Variants in ANKFN1 observed in about 807,000 individuals in gnomAD.
ANKFN1 encodes the protein ankyrin repeat and fibronectin type-III domain-containing protein 1.
In ANKFN1, 74 loss-of-function variants were observed where a neutral mutation model predicts 108.7. The observed-to-expected ratio is 0.68, with a 90% confidence interval of 0.56 to 0.83. The LOEUF (loss-of-function observed/expected upper bound fraction) is 0.83. Ranked by LOEUF, ANKFN1 falls within the 40% of genes least tolerant of loss-of-function variation. The pLI, the probability that ANKFN1 is intolerant of heterozygous loss-of-function variation, is 0.00. For synonymous variants in ANKFN1, 547 were observed against 516.2 expected (o/e 1.06, Z -0.81); for missense variants, 1,505 against 1,382.3 (o/e 1.09, Z -1.41).
chr17:56,376,058 C>G (rs1030195995), intron 8 of ANKFN1, among the ~76,000 whole-genome samples: 2 of 152,222 alleles, frequency 1.3e-5, no homozygotes, highest in Non-Finnish European at 2.9e-5. Context: ...GCTGATAAAG[C>G]TCTCCACACA....
At chr17:56,189,396 T>G (rs1436667917) in intron 1 of ANKFN1, among the ~76,000 whole-genome samples, 1 of 150,948 alleles carries the variant, frequency 6.6e-6, no homozygotes, top group Non-Finnish European at 1.5e-5. Flanking sequence ...GGTCTCGATC[T>G]CCTGACCTCG....
intron 4 of ANKFN1, among the ~76,000 whole-genome samples, chr17:56,134,964 T>A (rs1907511464): frequency 6.6e-6 from 1 of 152,164 alleles, no homozygotes; most frequent in Non-Finnish European, 1.5e-5. Context: ...AGGGGCACTC[T>A]TTTTCCTGAA....
chr17:56,493,331 A>G (rs1298474111), intron 19 of ANKFN1, among the ~76,000 whole-genome samples: 1 of 152,200 alleles, frequency 6.6e-6, no homozygotes, highest in East Asian at 1.9e-4. Context: ...TGTATCAGAA[A>G]CATTCCCATG....
chr17:56,046,873 G>A (rs1006503967), intron 4 of ANKFN1, among the ~76,000 whole-genome samples: 2 of 152,188 alleles, frequency 1.3e-5, no homozygotes, highest in South Asian at 2.1e-4. Context: ...GTCTGGGCAC[G>A]GAAAAGCATG....
intron 3 of ANKFN1, among the ~76,000 whole-genome samples, chr17:56,325,908 C>G (rs574744922): frequency 9.8e-5 from 15 of 152,314 alleles, no homozygotes; most frequent in South Asian, 4.1e-4. Flanking sequence ...ACAGTCGGTT[C>G]GGATTCAGTC....
At chr17:56,100,338 T>A (rs1905620510) in intron 4 of ANKFN1, among the ~76,000 whole-genome samples, 1 of 152,196 alleles carries the variant, frequency 6.6e-6, no homozygotes, top group Non-Finnish European at 1.5e-5. Context: ...ATTCAACTTT[T>A]CTGATGATTG....
intron 1 of ANKFN1, among the ~76,000 whole-genome samples, chr17:56,176,243 G>T (rs1254055168): frequency 6.6e-6 from 1 of 152,034 alleles, no homozygotes; most frequent in South Asian, 2.1e-4. Context: ...GCAATCGCTT[G>T]GTTCACTTGC....
chr17:56,122,962 C>A (rs1202519719), intron 4 of ANKFN1, among the ~76,000 whole-genome samples: 1 of 152,170 alleles, frequency 6.6e-6, no homozygotes, highest in Non-Finnish European at 1.5e-5. Context: ...AAAAGGAGGG[C>A]AGAGAGTAAC....
intron 3 of ANKFN1, among the ~76,000 whole-genome samples, chr17:56,256,072 C>G (rs2043350246): frequency 6.6e-6 from 1 of 152,060 alleles, no homozygotes; most frequent in Non-Finnish European, 1.5e-5. Flanking sequence ...AAGAATGTAT[C>G]ATGAGCTGAA....
intron 3 of ANKFN1, among the ~76,000 whole-genome samples, chr17:56,257,006 C>G (rs1026616557): frequency 6.6e-6 from 1 of 152,218 alleles, no homozygotes; most frequent in Non-Finnish European, 1.5e-5. Flanking sequence ...ACCTATCACT[C>G]GCTATCCTGG....
At chr17:56,170,169 A>C (rs1910521301) in intron 1 of ANKFN1, among the ~76,000 whole-genome samples, 1 of 152,190 alleles carries the variant, frequency 6.6e-6, no homozygotes, top group Non-Finnish European at 1.5e-5. Context: ...GGCGTCAAAG[A>C]AAATGATTAG....
chr17:56,370,539 A>C (rs946858043), intron 6 of ANKFN1, among the ~76,000 whole-genome samples: 1 of 152,202 alleles, frequency 6.6e-6, no homozygotes, highest in Non-Finnish European at 1.5e-5. Context: ...TCAGGCATAC[A>C]ATAAAAAGCT....
chr17:56,293,326 C>T (rs902001470), intron 3 of ANKFN1, among the ~76,000 whole-genome samples: 10 of 152,150 alleles, frequency 6.6e-5, no homozygotes, highest in African/African-American at 2.2e-4. Context: ...GTTTTGAATT[C>T]ATTGTATCAC....
intron 4 of ANKFN1, among the ~76,000 whole-genome samples, chr17:56,108,542 A>C (rs1163452937): frequency 6.6e-6 from 1 of 152,208 alleles, no homozygotes; most frequent in Non-Finnish European, 1.5e-5. Flanking sequence ...GAAGAGTACT[A>C]TTGCTACTCC....
chr17:56,185,660 T>C (rs1047688396), intron 1 of ANKFN1, among the ~76,000 whole-genome samples: 2 of 152,144 alleles, frequency 1.3e-5, no homozygotes, highest in Admixed American at 6.6e-5. Context: ...TTAAAAACAA[T>C]GTCCAGCCTT....
chr17:56,123,795 T>TTG (rs58283151), intron 4 of ANKFN1, among the ~76,000 whole-genome samples: 49,415 of 144,524 alleles, frequency 0.34, 8,603 homozygotes, highest in Middle Eastern at 0.47. Flanking sequence ...GCATGACTGA[T>TTG]TGTGTGTGTG....
intron 4 of ANKFN1, among the ~76,000 whole-genome samples, chr17:56,098,863 G>A (rs1341054796): frequency 9.8e-6 from 1 of 102,126 alleles, no homozygotes; most frequent in Non-Finnish European, 2.0e-5. Context: ...GTGTGTGCGT[G>A]TGTGCATGTG....
chr17:56,162,397 A>C (rs1486986739), intron 1 of ANKFN1, among the ~76,000 whole-genome samples: 1 of 152,104 alleles, frequency 6.6e-6, no homozygotes, highest in Non-Finnish European at 1.5e-5. Flanking sequence ...ACTATGAGGG[A>C]AGGGTCTGTT....
At chr17:56,105,329 T>C (rs542663976) in intron 4 of ANKFN1, among the ~76,000 whole-genome samples, 1 of 151,882 alleles carries the variant, frequency 6.6e-6, no homozygotes, top group Admixed American at 6.6e-5. Context: ...ATGCAAAGAG[T>C]AATCCAGAAT....
Sources: gnomAD v4.1 joint callset for allele counts (sites outside exome capture counted in the v4.1 genomes callset) on GRCh38, gnomAD v4.1.1 for gene constraint, MANE v1.5 for transcripts, NCBI Gene and HGNC (gene_info 2026-07-23, HGNC 2026-07-21) for gene names.